The following SRRM3 variants were observed in gnomAD, a reference collection of about 807,000 sequenced individuals.
The protein encoded by SRRM3 is serine/arginine repetitive matrix protein 3.
A neutral mutation model predicts 66.2 loss-of-function variants in SRRM3; 27 were observed. That is an observed-to-expected ratio of 0.41 (90% confidence interval 0.30 to 0.56). The LOEUF is 0.56. Ranked by LOEUF, SRRM3 falls within the 20% of genes least tolerant of loss-of-function variation. The pLI is 0.32. For synonymous variants in SRRM3, 391 were observed against 414.9 expected (o/e 0.94, Z 0.70); for missense variants, 918 against 991.9 (o/e 0.93, Z 1.00).
At chr7:76,217,198 C>G (rs782683525) in intron 1 of SRRM3, among the ~76,000 whole-genome samples, 1 of 152,182 alleles carries the variant, frequency 6.6e-6, no homozygotes, top group Non-Finnish European at 1.5e-5. Context: ...GAGCCCAGCT[C>G]CCCCTGTTAG....
chr7:76,277,765 G>GAAAGAAAAGAAA (rs1554611353), intron 11 of SRRM3, among the ~76,000 whole-genome samples: 112 of 46,912 alleles, frequency 2.4e-3, no homozygotes, highest in African/African-American at 0.011. Flanking sequence ...AAAAGAAAAA[G>GAAAGAAAAGAAA]AAGAAGTAGC....
chr7:76,232,537 A>G (rs577796919), intron 1 of SRRM3, among the ~76,000 whole-genome samples: 1 of 151,566 alleles, frequency 6.6e-6, no homozygotes, highest in African/African-American at 2.4e-5. Context: ...GCACCACTGC[A>G]CTCCAGCCTG....
At chr7:76,225,478 C>A (rs550044175) in intron 1 of SRRM3, among the ~76,000 whole-genome samples, 6 of 151,792 alleles carry the variant, frequency 4.0e-5, no homozygotes, top group Admixed American at 2.0e-4. Context: ...CCCCGCCCCC[C>A]CCGCCCCTTT....
rs1425134011 is a variant in SRRM3, at chr7:76,285,429, G to T, written c.1734-186G>T. 6.6e-6 allele frequency among the ~76,000 whole-genome samples: 1 copy of T among 152,194 alleles called. No homozygotes were observed. Among genetic ancestry groups the T allele is most frequent in the Non-Finnish European group, 1.5e-5 (1 of 68,044 alleles). ...ACATGGTCTCCTTTCCCTGCAGATA[G>T]GTGAAGAAAAGCAAAATGATCAACA... On this transcript the variant is annotated intron_variant, in intron 14 of 14. Coordinates refer to ENST00000611745, the MANE Select transcript of SRRM3 (RefSeq NM_001110199.3). This position sits in a 1 kb window ranked among gnomAD's most constrained non-coding sequence, Gnocchi z 4.1.
chr7:76,282,581 A>ACCCC, intron 12 of SRRM3, 67 bp from the exon 13 acceptor site: 2 of 579,420 alleles, frequency 3.5e-6, no homozygotes, highest in Non-Finnish European at 5.0e-6. Flanking sequence ...GCCCCAGGGA[A>ACCCC]CCCTCCCCGC....
intron 1 of SRRM3, among the ~76,000 whole-genome samples, chr7:76,226,960 G>A (rs1169506021): frequency 6.6e-6 from 1 of 152,192 alleles, no homozygotes; most frequent in Non-Finnish European, 1.5e-5. Flanking sequence ...GGGTCTTTGA[G>A]TCATTGTTCA....
Position 76,283,106 on chromosome 7 carries a change from G to T in SRRM3, c.1733+5G>T, listed in dbSNP as rs560483516. The T allele has an allele frequency of 1.2e-4, 175 of 1,440,450 alleles. No homozygotes were observed. Among genetic ancestry groups the T allele is most frequent in the Non-Finnish European group, 1.5e-4 (166 of 1,102,616 alleles). The allele number at this position is 1,440,450 out of a possible 1,614,324, so 89.2% of individuals were successfully genotyped here. On this transcript the variant is annotated splice_donor_5th_base_variant and intron_variant, in intron 14 of 14. Coordinates refer to ENST00000611745, the MANE Select transcript of SRRM3 (RefSeq NM_001110199.3). ...GGAGCCGCGGCGCATCACCAGGTAT[G>T]GAGGGTCTTGGGGGGGCCGGTGGCG...
rs1197333894 is a variant in SRRM3 at position 76,222,749 on chromosome 7, G to A, written c.-39-12279G>A. Among the ~76,000 whole-genome samples the A allele has an allele frequency of 4.6e-5, 7 of 152,040 alleles. No homozygotes were observed. In the East Asian group the frequency reaches 1.4e-3, roughly 29 times the overall value. On this transcript the variant is annotated intron_variant, in intron 1 of 14. Transcript: ENST00000611745. ...CAATCCTCCTGCCTCAGCCTCCCAA[G>A]TAGCTGGGATTACAGGCACCCGCCA...
chr7:76,232,256 G>T (rs985553708), intron 1 of SRRM3, among the ~76,000 whole-genome samples: 2 of 152,154 alleles, frequency 1.3e-5, no homozygotes, highest in Non-Finnish European at 2.9e-5. Context: ...GGTAAGGCCA[G>T]GAGTGGTGGC....
chr7:76,218,674 C>CTTTTTTTTTTTTTTTT (rs11349335), intron 1 of SRRM3, among the ~76,000 whole-genome samples: 3 of 76,278 alleles, frequency 3.9e-5, no homozygotes, highest in Non-Finnish European at 4.5e-5. Context: ...GCTTTCTTTT[C>CTTTTTTTTTTTTTTTT]TTTTTTTTTT....
Position 76,261,375 on chromosome 7 carries a change from G to A in SRRM3, c.599G>A (p.Arg200His), listed in dbSNP as rs782795402. Residue 200 changes from arginine (R) to histidine (H), a missense_variant, in exon 7 of 15, where the codon CGC becomes CAC. Arg to His is a conservative substitution (Grantham distance 29). Transcript: ENST00000611745. ...AGCTGTGGGAGCTCCTCACCCCTCC[G>A]CAAGAAGAAGAAGAGTGTGAAGAAG... ...ECSCGSSSPL[R>H]KKKKSVKKHR... is the part of the protein sequence containing the mutation. 32 of 1,586,412 alleles carry A rather than the reference G, an allele frequency of 2.0e-5. No individual in the cohort carries two copies. In the Middle Eastern group the frequency reaches 5.0e-4, roughly 25 times the overall value.
chr7:76,281,568 C>CGGCGGGCGG lies in SRRM3; in HGVS notation c.1144_1152dup (p.Gly382_Gly384dup), dbSNP rs1802508717. The CGGCGGGCGG allele has an allele frequency of 3.0e-6, 3 of 1,014,356 alleles. No individual in the cohort carries two copies. The highest frequency in any genetic ancestry group is 3.5e-5 in the African/African-American group (2 of 57,450). 62.8% of individuals were successfully genotyped at this position (1,014,356 alleles called of 1,614,324 possible). Reference sequence around the variant, plus strand: ...TCGTCCCAAGGTCGCGGAGGCCGCGCGGCGGGCGGGGCGGGCAGGCGGCGG... The same window carrying CGGCGGGCGG: ...TCGTCCCAAGGTCGCGGAGGCCGCGCGGCGGGCGGGGCGGGCGGGGCGGGCAGGCGGCGG... On this transcript the variant is annotated inframe_insertion, in exon 12 of 15. Coordinates refer to ENST00000611745, the MANE Select transcript of SRRM3 (RefSeq NM_001110199.3).
rs535827515 is a variant in SRRM3, at chr7:76,283,666, G to A, written c.1733+565G>A. ...GCCTCTCTCTTTCTCACTAACCTGG[G>A]GGATTTGGAGGAGGGGGCACAGCAG... On this transcript the variant is annotated intron_variant, in intron 14 of 14. Transcript: ENST00000611745. 70 of 635,490 alleles carry A rather than the reference G, an allele frequency of 1.1e-4. No homozygotes were observed. In the East Asian group the frequency reaches 4.4e-3, roughly 40 times the overall value. 39.4% of individuals were successfully genotyped at this position (635,490 alleles called of 1,614,324 possible).
In SRRM3 at chr7:76,223,546, A is replaced by G. The variant is rs553625942; in HGVS notation, c.-39-11482A>G. 2.6e-5 allele frequency among the ~76,000 whole-genome samples: 4 copies of G among 152,288 alleles called. No individual in the cohort carries two copies. The East Asian group carries it at 5.8e-4, about 22-fold the overall frequency. ...CGATTGTTGCACACACTTATTTTTAACAAGACCCAGAATGAGTTTCACAAC... is the reference window on the plus strand; with the variant it reads ...CGATTGTTGCACACACTTATTTTTAGCAAGACCCAGAATGAGTTTCACAAC... On this transcript the variant is annotated intron_variant, in intron 1 of 14. Transcript: ENST00000611745.
At chr7:76,226,270 T>C (rs1408327208) in intron 1 of SRRM3, among the ~76,000 whole-genome samples, 1 of 152,226 alleles carries the variant, frequency 6.6e-6, no homozygotes, top group Non-Finnish European at 1.5e-5. Context: ...AAACCCAGGC[T>C]TGGGCTTGTG....
chr7:76,282,618 GC>G, intron 12 of SRRM3, 29 bp from the exon 13 acceptor site: 1 of 1,291,322 alleles, frequency 7.7e-7, no homozygotes, highest in Non-Finnish European at 1.0e-6. Context: ...GGGTCGCTGA[GC>G]CCTATCCCGC....
At chr7:76,271,959 T>TC (rs1443700849) in intron 11 of SRRM3, among the ~76,000 whole-genome samples, 1 of 152,178 alleles carries the variant, frequency 6.6e-6, no homozygotes, top group Non-Finnish European at 1.5e-5. Context: ...CCCTAAACCC[T>TC]CACAGTTCAT....
intron 1 of SRRM3, among the ~76,000 whole-genome samples, chr7:76,207,576 T>G (rs182418317): frequency 6.6e-6 from 1 of 152,218 alleles, no homozygotes; most frequent in Non-Finnish European, 1.5e-5. Flanking sequence ...CTTTAAAGAC[T>G]CTTTAGGGCC....
intron 1 of SRRM3, among the ~76,000 whole-genome samples, chr7:76,218,713 C>G (rs1800633423): frequency 1.9e-5 from 2 of 103,658 alleles, no homozygotes; most frequent in African/African-American, 7.5e-5. Flanking sequence ...AGGTCTCACT[C>G]TGTTGCCCAG....
Sources: gnomAD v4.1 joint callset for allele counts (sites outside exome capture counted in the v4.1 genomes callset) on GRCh38, gnomAD v4.1.1 for gene constraint, Gnocchi (gnomAD v3.1) non-coding constraint, MANE v1.5 for transcripts, NCBI Gene and HGNC (gene_info 2026-07-23, HGNC 2026-07-21) for gene names.